KCTD16: variants seen among roughly 807,000 people sequenced by gnomAD.
KCTD16 encodes potassium channel tetramerization domain containing 16, also known as BTB/POZ domain-containing protein KCTD16.
A neutral mutation model predicts 33.2 loss-of-function variants in KCTD16; 13 were observed. The observed-to-expected ratio is 0.39, with a 90% confidence interval of 0.25 to 0.62. The LOEUF (loss-of-function observed/expected upper bound fraction) is 0.62. KCTD16 is among the 20% of genes least tolerant of loss of function. The pLI, the probability that KCTD16 is intolerant of heterozygous loss-of-function variation, is 0.50. For missense variants in KCTD16, 441 were observed against 525.1 expected (o/e 0.84, Z 1.57); for synonymous variants, 197 against 195.3 (o/e 1.01, Z -0.07).
chr5:144,428,751 G>C (rs975849027), intron 3 of KCTD16, among the ~76,000 whole-genome samples: 1 of 152,154 alleles, frequency 6.6e-6, no homozygotes, highest in Non-Finnish European at 1.5e-5. Flanking sequence ...ACACTCCCAG[G>C]GTGCCTGTGA....
At chr5:144,304,751 A>G (rs1401686264) in intron 3 of KCTD16, among the ~76,000 whole-genome samples, 3 of 152,154 alleles carry the variant, frequency 2.0e-5, no homozygotes, top group Non-Finnish European at 4.4e-5. Context: ...TCAAGTAGAG[A>G]AAAGGCAAGT....
rs1441206896 is a variant in KCTD16 at position 144,476,915 on chromosome 5, T to C, written c.*2801T>C. On this transcript the variant is annotated 3_prime_UTR_variant, in exon 4 of 4. Coordinates refer to ENST00000512467, the MANE Select transcript of KCTD16 (RefSeq NM_020768.4). Reference sequence around the variant, plus strand: ...ATATATATGGTTTACTTCTCGAACATTGGTTATGACAAGGGCCATAAATTG... The same window carrying C: ...ATATATATGGTTTACTTCTCGAACACTGGTTATGACAAGGGCCATAAATTG... 6.6e-6 allele frequency: 1 copy of C among 152,144 alleles called. No homozygotes were observed. The allele number at this position is 152,144 out of a possible 1,614,324, so 9.4% of individuals were successfully genotyped here.
intron 3 of KCTD16, among the ~76,000 whole-genome samples, chr5:144,344,304 G>A (rs1752725132): frequency 1.3e-5 from 2 of 151,100 alleles, no homozygotes; most frequent in African/African-American, 4.9e-5. Flanking sequence ...CATGGGCAAG[G>A]ACTTCATGTC....
chr5:144,228,000 T>C lies in KCTD16; in HGVS notation c.832+20454T>C, dbSNP rs77019837. Reference sequence around the variant, plus strand: ...AAATCTGGACATGTTAGCTTGGAGATGCTTGTTAGACATTCATGTGAATAA... The same window carrying C: ...AAATCTGGACATGTTAGCTTGGAGACGCTTGTTAGACATTCATGTGAATAA... On this transcript the variant is annotated intron_variant, in intron 3 of 3. Transcript: ENST00000512467. 9.7e-3 allele frequency among the ~76,000 whole-genome samples: 1,475 copies of C among 152,302 alleles called. 22 individuals carry two copies. The highest frequency in any genetic ancestry group is 0.033 in the African/African-American group (1,387 of 41,556).
At chr5:144,389,817 G>A (rs1022473920) in intron 3 of KCTD16, among the ~76,000 whole-genome samples, 1 of 152,180 alleles carries the variant, frequency 6.6e-6, no homozygotes, top group Non-Finnish European at 1.5e-5. Flanking sequence ...TCTTGGTTGT[G>A]TCAAGCTGCC....
At chr5:144,244,663 GA>G (rs1404310416) in intron 3 of KCTD16, among the ~76,000 whole-genome samples, 1 of 152,130 alleles carries the variant, frequency 6.6e-6, no homozygotes, top group African/African-American at 2.4e-5. Context: ...TGGGATTGGA[GA>G]GATCTCTATT....
chr5:144,335,761 C>G (rs1044239633), intron 3 of KCTD16, among the ~76,000 whole-genome samples: 4 of 152,040 alleles, frequency 2.6e-5, no homozygotes, highest in Non-Finnish European at 5.9e-5. Context: ...GAGCAAAGCT[C>G]TGGGAGAGGA....
Position 144,170,948 on chromosome 5 carries a change from C to T in KCTD16, c.-554C>T, listed in dbSNP as rs952876163. On this transcript the variant is annotated 5_prime_UTR_variant, in exon 1 of 4. Transcript: ENST00000512467. ...AGTCCCCTCTCCTGTCCACAAACTA[C>T]AATGCCTACAATGCCTCGGTGTCAG... The T allele has an allele frequency of 2.0e-5, 3 of 152,246 alleles. No individual in the cohort carries two copies. Among genetic ancestry groups the T allele is most frequent in the Non-Finnish European group, 2.9e-5 (2 of 68,066 alleles). 9.4% of individuals were successfully genotyped at this position (152,246 alleles called of 1,614,324 possible). A position where few individuals can be genotyped will look rare whatever the true frequency, so the allele number is the denominator to read the frequency against.
At chr5:144,232,910 A>C (rs909387804) in intron 3 of KCTD16, among the ~76,000 whole-genome samples, 1 of 152,186 alleles carries the variant, frequency 6.6e-6, no homozygotes, top group Non-Finnish European at 1.5e-5. Flanking sequence ...CCATATTTCA[A>C]GTGCTCAACA....
At chr5:144,286,936 C>A (rs1418540440) in intron 3 of KCTD16, among the ~76,000 whole-genome samples, 1 of 152,160 alleles carries the variant, frequency 6.6e-6, no homozygotes, top group Non-Finnish European at 1.5e-5. Flanking sequence ...AGGTATGATT[C>A]TAAATACATT....
At chr5:144,388,328 A>G (rs945996495) in intron 3 of KCTD16, among the ~76,000 whole-genome samples, 1 of 151,712 alleles carries the variant, frequency 6.6e-6, no homozygotes, top group Non-Finnish European at 1.5e-5. Context: ...TGATCCGCCC[A>G]CCTCGGCCTC....
rs1754680654 is a variant in KCTD16 at position 144,480,321 on chromosome 5, G to A, written c.*6207G>A. 1 of 126,096 alleles carries A rather than the reference G, an allele frequency of 7.9e-6. No individual in the cohort carries two copies. Among genetic ancestry groups the A allele is most frequent in the East Asian group, 3.0e-4 (1 of 3,354 alleles). 7.8% of individuals were successfully genotyped at this position (126,096 alleles called of 1,614,324 possible). A position where few individuals can be genotyped will look rare whatever the true frequency, so the allele number is the denominator to read the frequency against. ...GTCTCTACTGTGGATGTCAGTCCTT[G>A]AGAATGTTAAGTAAAGCTTGAGCTT... On this transcript the variant is annotated 3_prime_UTR_variant, in exon 4 of 4. Transcript: ENST00000512467.
At chr5:144,426,429 A>G (rs1753331069) in intron 3 of KCTD16, among the ~76,000 whole-genome samples, 1 of 151,974 alleles carries the variant, frequency 6.6e-6, no homozygotes, top group East Asian at 1.9e-4. Context: ...TTAATGCTTC[A>G]TTTGCAAAAA....
intron 3 of KCTD16, among the ~76,000 whole-genome samples, chr5:144,257,754 T>C (rs544141524): frequency 6.6e-6 from 1 of 152,314 alleles, no homozygotes; most frequent in Non-Finnish European, 1.5e-5. Flanking sequence ...CCCAAAGTGC[T>C]GGGATTACAG....
chr5:144,195,203 T>C (rs2126782377), intron 2 of KCTD16, among the ~76,000 whole-genome samples: 1 of 152,310 alleles, frequency 6.6e-6, no homozygotes, highest in South Asian at 2.1e-4. Flanking sequence ...GGGAATCTCT[T>C]CCTGGAAATT....
At position 144,475,926 on chromosome 5, in the gene KCTD16, G is replaced by A. The variant is rs989002099; in HGVS notation, c.*1812G>A. On this transcript the variant is annotated 3_prime_UTR_variant, in exon 4 of 4. Transcript: ENST00000512467. ...TTGTCCTGAAGGTTTGAATGGAGTT[G>A]AAAGTTTTACATAAGTGAAAAAGAA... is the stretch of plus-strand genomic sequence containing the variant. 3 of 152,212 alleles carry A rather than the reference G, an allele frequency of 2.0e-5. No homozygotes were observed. The highest frequency in any genetic ancestry group is 6.5e-5 in the Admixed American group (1 of 15,282). The allele number at this position is 152,212 out of a possible 1,614,324, so 9.4% of individuals were successfully genotyped here. A position where few individuals can be genotyped will look rare whatever the true frequency, so the allele number is the denominator to read the frequency against.
chr5:144,319,572 T>G (rs1752020577), intron 3 of KCTD16, among the ~76,000 whole-genome samples: 1 of 152,218 alleles, frequency 6.6e-6, no homozygotes, highest in Admixed American at 6.5e-5. Flanking sequence ...TTTTGAAGTC[T>G]TAAGTATTTG....
chr5:144,392,247 A>G (rs919379), intron 3 of KCTD16, among the ~76,000 whole-genome samples: 8,961 of 152,186 alleles, frequency 0.059, 869 homozygotes, highest in African/African-American at 0.2. Context: ...AAAAAGCCCC[A>G]TGAATTCAGG....
At chr5:144,277,764 T>C (rs1755477750) in intron 3 of KCTD16, among the ~76,000 whole-genome samples, 1 of 152,246 alleles carries the variant, frequency 6.6e-6, no homozygotes, top group Admixed American at 6.5e-5. Flanking sequence ...AGTTTTCATT[T>C]ACCTAGAGAC....
Sources: allele counts gnomAD v4.1 joint callset (sites outside exome capture counted in the v4.1 genomes callset), GRCh38; gene constraint gnomAD v4.1.1; transcripts MANE v1.5; gene names NCBI Gene and HGNC (gene_info 2026-07-23, HGNC 2026-07-21).